The following VEZT variants were observed in gnomAD, a reference collection of about 807,000 sequenced individuals.
The protein encoded by VEZT is vezatin, adherens junctions transmembrane protein, also known as vezatin.
VEZT carries 39 observed loss-of-function variants against 79.9 expected under a neutral mutation model. The ratio of observed to expected loss-of-function variants is 0.49; its 90% CI spans 0.38 to 0.64. VEZT has a LOEUF of 0.64. Among genes scored for constraint, VEZT ranks in the 30% least tolerant of loss-of-function variants. VEZT has a pLI of 0.00. For synonymous variants in VEZT, 325 were observed against 327.6 expected (o/e 0.99, Z 0.09); for missense variants, 837 against 893.1 (o/e 0.94, Z 0.80).
intron 8 of VEZT, among the ~76,000 whole-genome samples, chr12:95,284,133 G>T (rs1791401219): frequency 6.6e-6 from 1 of 152,140 alleles, no homozygotes; most frequent in African/African-American, 2.4e-5. Flanking sequence ...TTATGCATAG[G>T]AAGTTTTTGT....
rs560815372 is a variant in VEZT, at chr12:95,259,406, C to T, written c.258+2167C>T. On this transcript the variant is annotated intron_variant, in intron 3 of 11. Coordinates refer to ENST00000436874, the MANE Select transcript of VEZT (RefSeq NM_017599.4). ...GCATAGATAGTGACAACAGTAATAG[C>T]TAACATACAGTGCTTACTATGAGCC... Among the ~76,000 whole-genome samples, 14 of 152,280 alleles carry T rather than the reference C, an allele frequency of 9.2e-5. 1 individual carries two copies. In the East Asian group the frequency reaches 2.1e-3, roughly 23 times the overall value.
At chr12:95,236,626 A>C (rs1293584511) in intron 1 of VEZT, among the ~76,000 whole-genome samples, 10 of 148,762 alleles carry the variant, frequency 6.7e-5, no homozygotes. Flanking sequence ...GCTGGAGTGC[A>C]GTGTCATGAT....
rs186230459 is a variant in VEZT at position 95,233,283 on chromosome 12, C to T, written c.36+15397C>T. 2.1e-4 allele frequency among the ~76,000 whole-genome samples: 32 copies of T among 151,988 alleles called. 1 individual carries two copies. In the East Asian group the frequency reaches 5.8e-3, roughly 28 times the overall value. On this transcript the variant is annotated intron_variant, in intron 1 of 11. Transcript: ENST00000436874. ...CTCATTGTAAAACATTCACATAATA[C>T]AGGGAAAGGATCAGCTCTCCCTTAA...
At chr12:95,230,610 G>A (rs2059151196) in intron 1 of VEZT, among the ~76,000 whole-genome samples, 1 of 149,458 alleles carries the variant, frequency 6.7e-6, no homozygotes, top group Non-Finnish European at 1.5e-5. Flanking sequence ...GGGATAAGAA[G>A]CAAAGGAAAT....
At chr12:95,296,001 A>G in intron 10 of VEZT, 50 bp from the exon 11 acceptor site, 1 of 1,307,350 alleles carries the variant, frequency 7.6e-7, no homozygotes, top group Non-Finnish European at 1.0e-6. Flanking sequence ...AATGCTTACT[A>G]GAGAATTGTT....
chr12:95,275,875 G>GA (rs979588735), intron 7 of VEZT: 1 of 150,526 alleles, frequency 6.6e-6, no homozygotes, highest in East Asian at 1.9e-4. Flanking sequence ...AGCCTAAAAA[G>GA]AAAAAACAAG....
chr12:95,300,316 T>C lies in VEZT; in HGVS notation c.1983T>C (p.Thr661=), dbSNP rs1276944344. The C allele has an allele frequency of 1.2e-6, 2 of 1,610,070 alleles. No individual in the cohort carries two copies. The highest frequency in any genetic ancestry group is 2.2e-5 in the East Asian group (1 of 44,852). Residue 661 remains threonine (T), a synonymous_variant, in exon 12 of 12, where the codon ACT becomes ACC. Coordinates refer to ENST00000436874, the MANE Select transcript of VEZT (RefSeq NM_017599.4). ...SATTDNEISR[T]EYLCENSLEG... Reference sequence around the variant, plus strand: ...CAACAGACAATGAAATAAGTAGGACTGAGTATTTATGTGAAAACTCTCTAG... The same window carrying C: ...CAACAGACAATGAAATAAGTAGGACCGAGTATTTATGTGAAAACTCTCTAG...
intron 1 of VEZT, among the ~76,000 whole-genome samples, chr12:95,230,104 C>CAAAAA (rs11386464): frequency 2.8e-5 from 2 of 72,366 alleles, no homozygotes; most frequent in Non-Finnish European, 3.0e-5. Context: ...GATTCCGTCT[C>CAAAAA]AAAAAAAAAA....
At chr12:95,292,610 G>C (rs1260493980) in intron 9 of VEZT, among the ~76,000 whole-genome samples, 1 of 149,594 alleles carries the variant, frequency 6.7e-6, no homozygotes, top group South Asian at 2.1e-4. Context: ...GTGCAGTGGC[G>C]CGATCTCGCC....
At chr12:95,232,462 C>T (rs1258956467) in intron 1 of VEZT, among the ~76,000 whole-genome samples, 3 of 152,158 alleles carry the variant, frequency 2.0e-5, no homozygotes, top group Non-Finnish European at 4.4e-5. Flanking sequence ...CTTTTTGATC[C>T]TTTGAACCAG....
intron 7 of VEZT, among the ~76,000 whole-genome samples, chr12:95,280,524 TACACACACAC>T (rs10611290): frequency 2.1e-4 from 29 of 137,640 alleles, no homozygotes; most frequent in African/African-American, 2.7e-4. Context: ...TTCATATGTG[TACACACACAC>T]ACACACACAC....
chr12:95,221,497 G>A (rs574777503), intron 1 of VEZT, among the ~76,000 whole-genome samples: 6 of 151,988 alleles, frequency 3.9e-5, no homozygotes, highest in East Asian at 1.9e-4. Context: ...CCCAGGAGGC[G>A]GAGGTTGCTC....
At chr12:95,283,712 G>C (rs2069781037) in intron 8 of VEZT, among the ~76,000 whole-genome samples, 1 of 152,176 alleles carries the variant, frequency 6.6e-6, no homozygotes, top group South Asian at 2.1e-4. Flanking sequence ...AGTTGGGCTT[G>C]ATATAAGGCT....
At chr12:95,220,956 A>G (rs560754234) in intron 1 of VEZT, among the ~76,000 whole-genome samples, 1 of 152,294 alleles carries the variant, frequency 6.6e-6, no homozygotes, top group South Asian at 2.1e-4. Flanking sequence ...TCCAGCCAGG[A>G]ATGTATGAGA....
At chr12:95,264,531 G>A (rs537179838) in intron 4 of VEZT, among the ~76,000 whole-genome samples, 26 of 152,070 alleles carry the variant, frequency 1.7e-4, no homozygotes, top group African/African-American at 5.3e-4. Context: ...CAGCCTCCTA[G>A]ACTCAAGTGA....
At chr12:95,282,199 T>A in intron 7 of VEZT, 114 bp from the exon 8 acceptor site, 1 of 915,806 alleles carries the variant, frequency 1.1e-6, no homozygotes, top group South Asian at 1.8e-5. Flanking sequence ...ATATTTATTA[T>A]TTAGGATAAA....
chr12:95,222,952 C>T (rs1310130014), intron 1 of VEZT, among the ~76,000 whole-genome samples: 1 of 152,190 alleles, frequency 6.6e-6, no homozygotes, highest in Non-Finnish European at 1.5e-5. Context: ...TGTTGTCTAT[C>T]AGCTCAATTT....
intron 4 of VEZT, among the ~76,000 whole-genome samples, chr12:95,265,107 C>G (rs2065284207): frequency 6.6e-6 from 1 of 152,010 alleles, no homozygotes; most frequent in Non-Finnish European, 1.5e-5. Context: ...GTGGTCCTCC[C>G]ACCTGTGCCT....
At chr12:95,289,825 G>A (rs2072243697) in intron 9 of VEZT, among the ~76,000 whole-genome samples, 1 of 152,128 alleles carries the variant, frequency 6.6e-6, no homozygotes, top group African/African-American at 2.4e-5. Flanking sequence ...ATAGTTGAAA[G>A]TCTCCTTCAT....
Sources: gnomAD v4.1 joint callset for allele counts (sites outside exome capture counted in the v4.1 genomes callset) on GRCh38, gnomAD v4.1.1 for gene constraint, MANE v1.5 for transcripts, NCBI Gene and HGNC (gene_info 2026-07-23, HGNC 2026-07-21) for gene names.